Variants in ARHGEF26 observed in about 807,000 individuals in gnomAD.
The protein encoded by ARHGEF26 is Rho guanine nucleotide exchange factor 26.
ARHGEF26 carries 59 observed loss-of-function variants against 89.4 expected under a neutral mutation model. That is an observed-to-expected ratio of 0.66 (90% CI 0.54 to 0.82). ARHGEF26 has a LOEUF of 0.82. Among genes scored for constraint, ARHGEF26 ranks in the 40% least tolerant of loss-of-function variants. The pLI, the probability that ARHGEF26 is intolerant of heterozygous loss-of-function variation, is 0.00. For synonymous variants in ARHGEF26, 500 were observed against 428.4 expected, an observed-to-expected ratio of 1.17 and a Z score of -2.06; for missense variants, 1,234 against 1,085.6, an observed-to-expected ratio of 1.14 and a Z score of -1.92.
chr3:154,239,299 A>AGAGTGTGTGTGTGTGTGTGT (rs1182446964), intron 11 of ARHGEF26, among the ~76,000 whole-genome samples: 1 of 64,256 alleles, frequency 1.6e-5, no homozygotes, highest in African/African-American at 6.1e-5. Context: ...AGAGAGAGAG[A>AGAGTGTGTGTGTGTGTGTGT]GTGTGTGTGT....
At chr3:154,224,777 T>C (rs887614496) in intron 10 of ARHGEF26, among the ~76,000 whole-genome samples, 2 of 152,216 alleles carry the variant, frequency 1.3e-5, no homozygotes, top group African/African-American at 2.4e-5. Context: ...TATCTTCGTT[T>C]TTTGGACCTT....
intron 10 of ARHGEF26, among the ~76,000 whole-genome samples, chr3:154,221,927 G>A (rs1298224684): frequency 2.0e-5 from 3 of 152,166 alleles, no homozygotes; most frequent in Non-Finnish European, 4.4e-5. Flanking sequence ...GCCATATTTG[G>A]TTTATGGTAT....
chr3:154,192,313 T>C lies in ARHGEF26; in HGVS notation c.1770+895T>C, dbSNP rs573420229. Among the ~76,000 whole-genome samples the C allele has an allele frequency of 5.3e-5, 8 of 152,364 alleles. No individual in the cohort carries two copies. The South Asian group carries it at 1.7e-3, about 32-fold the overall frequency. The stretch of plus-strand genomic sequence containing the variant: ...TATATATTAAAAATTATGATTAAGG[T>C]TACAAAGTAAATTTCACATTCTGTA... On this transcript the variant is annotated intron_variant, in intron 8 of 14. Coordinates refer to ENST00000465093, the MANE Select transcript of ARHGEF26 (RefSeq NM_015595.4).
At chr3:154,233,498 G>C (rs1379857321) in intron 11 of ARHGEF26, among the ~76,000 whole-genome samples, 1 of 152,146 alleles carries the variant, frequency 6.6e-6, no homozygotes, top group Non-Finnish European at 1.5e-5. Context: ...AGGAAAGTAG[G>C]AAGAATTTCC....
At chr3:154,181,165 T>C (rs1276187022) in intron 6 of ARHGEF26, among the ~76,000 whole-genome samples, 3 of 152,200 alleles carry the variant, frequency 2.0e-5, no homozygotes, top group Admixed American at 6.5e-5. Context: ...CAAATCTTAC[T>C]TACCGGCAGC....
rs759003673 is a variant in ARHGEF26 at position 154,256,833 on chromosome 3, T to TGTGA, written c.*1363_*1366dup. The TGTGA allele has an allele frequency of 1.4e-5, 21 of 1,529,516 alleles. No individual in the cohort carries two copies. Among genetic ancestry groups the TGTGA allele is most frequent in the Admixed American group, 6.0e-5 (3 of 49,942 alleles). 94.7% of individuals were successfully genotyped at this position (1,529,516 alleles called of 1,614,324 possible). The stretch of plus-strand genomic sequence containing the variant: ...TGCTGTATTCAGAGTCCCTCTTAAC[T>TGTGA]GTGAGTTTCTATAGAACTTTACTTT... On this transcript the variant is annotated 3_prime_UTR_variant, in exon 15 of 15. Coordinates refer to ENST00000465093, the MANE Select transcript of ARHGEF26 (RefSeq NM_015595.4).
At chr3:154,124,372 CTTTT>C (rs10688646) in intron 2 of ARHGEF26, 34 bp from the exon 3 acceptor site, 203 of 1,009,754 alleles carry the variant, frequency 2.0e-4, no homozygotes, top group Admixed American at 2.9e-4. Context: ...TTTGCTTTTC[CTTTT>C]TTTTTTTTTT....
At chr3:154,230,001 T>C (rs1259169768) in intron 11 of ARHGEF26, among the ~76,000 whole-genome samples, 1 of 152,220 alleles carries the variant, frequency 6.6e-6, no homozygotes, top group African/African-American at 2.4e-5. Context: ...TAACCTATGG[T>C]CTAAATACTG....
At chr3:154,184,261 C>T (rs1322166986) in intron 6 of ARHGEF26, among the ~76,000 whole-genome samples, 2 of 152,186 alleles carry the variant, frequency 1.3e-5, no homozygotes, top group East Asian at 3.9e-4. Flanking sequence ...CGTGAGCCAC[C>T]GTGCCCGGCC....
Position 154,208,635 on chromosome 3 carries a change from C to A in ARHGEF26, c.1846-9234C>A, listed in dbSNP as rs116174372. 7.7e-3 allele frequency among the ~76,000 whole-genome samples: 1,174 copies of A among 151,872 alleles called. 10 individuals are homozygous for A. The highest frequency in any genetic ancestry group is 0.027 in the African/African-American group (1,120 of 41,418). ...TAGCCATGCTTAATCATTTTGTATTCTTTTTTCTGTTATCTCCTCTGACTG... is the reference window on the plus strand; with the variant it reads ...TAGCCATGCTTAATCATTTTGTATTATTTTTTCTGTTATCTCCTCTGACTG... On this transcript the variant is annotated intron_variant, in intron 9 of 14. Transcript: ENST00000465093.
intron 4 of ARHGEF26, among the ~76,000 whole-genome samples, chr3:154,141,438 C>T (rs914225172): frequency 6.6e-5 from 10 of 152,168 alleles, no homozygotes; most frequent in African/African-American, 2.2e-4. Context: ...ACTAACTCTG[C>T]TCCAGTCAGC....
At chr3:154,224,511 T>C (rs1044528098) in intron 10 of ARHGEF26, among the ~76,000 whole-genome samples, 1 of 152,220 alleles carries the variant, frequency 6.6e-6, no homozygotes, top group Non-Finnish European at 1.5e-5. Flanking sequence ...TGGTTCATCT[T>C]GTAGGGTTAT....
At chr3:154,190,283 A>G (rs948451983) in intron 7 of ARHGEF26, among the ~76,000 whole-genome samples, 2 of 152,176 alleles carry the variant, frequency 1.3e-5, no homozygotes, top group African/African-American at 4.8e-5. Flanking sequence ...AGGCCGAGGC[A>G]GGTGGATTAC....
intron 12 of ARHGEF26, among the ~76,000 whole-genome samples, chr3:154,252,599 A>G (rs1306817827): frequency 6.6e-6 from 1 of 152,236 alleles, no homozygotes. Context: ...AAGTGGCCAA[A>G]GAATTTCTAT....
chr3:154,171,988 T>C (rs529349304), intron 6 of ARHGEF26, among the ~76,000 whole-genome samples: 5 of 152,294 alleles, frequency 3.3e-5, no homozygotes, highest in African/African-American at 1.2e-4. Context: ...TCTTCTTCCA[T>C]ATTTATAAAG....
At chr3:154,181,804 A>G (rs1047899031) in intron 6 of ARHGEF26, among the ~76,000 whole-genome samples, 9 of 152,174 alleles carry the variant, frequency 5.9e-5, no homozygotes, top group Non-Finnish European at 1.2e-4. Context: ...CTTGTGGTCA[A>G]TTAAATATAT....
intron 6 of ARHGEF26, among the ~76,000 whole-genome samples, chr3:154,153,515 A>C (rs996295227): frequency 6.6e-6 from 1 of 152,044 alleles, no homozygotes; most frequent in African/African-American, 2.4e-5. Flanking sequence ...TCCAGTATTC[A>C]GCTCTTAAGA....
intron 6 of ARHGEF26, among the ~76,000 whole-genome samples, chr3:154,154,091 A>G (rs1319071826): frequency 1.3e-5 from 2 of 152,126 alleles, no homozygotes; most frequent in Non-Finnish European, 2.9e-5. Context: ...AAATATTTCT[A>G]TAAAGGGAAA....
intron 12 of ARHGEF26, among the ~76,000 whole-genome samples, chr3:154,250,127 T>C (rs536361948): frequency 7.8e-4 from 119 of 152,184 alleles, no homozygotes; most frequent in Non-Finnish European, 1.5e-3. Context: ...GCCTCCCAGG[T>C]TGAAGCAATT....
Sources: gnomAD v4.1 joint callset for allele counts (sites outside exome capture counted in the v4.1 genomes callset) on GRCh38, gnomAD v4.1.1 for gene constraint, MANE v1.5 for transcripts, NCBI Gene and HGNC (gene_info 2026-07-23, HGNC 2026-07-21) for gene names.